Variants in LAMC1 observed in about 807,000 individuals in gnomAD.
The protein encoded by LAMC1 is laminin subunit gamma-1.
In LAMC1, 38 loss-of-function variants were observed where a neutral mutation model predicts 173.6. The observed-to-expected ratio is 0.22, with a 90% confidence interval of 0.17 to 0.29. The LOEUF is 0.29. Among genes scored for constraint, LAMC1 ranks in the 10% least tolerant of loss-of-function variants. The pLI is 1.00. For missense variants in LAMC1, 1,824 were observed against 2,051.8 expected, an observed-to-expected ratio of 0.89 and a Z score of 2.14; for synonymous variants, 746 against 749.1, an observed-to-expected ratio of 1.00 and a Z score of 0.07.
intron 20 of LAMC1, 47 bp downstream of exon 20, chr1:183,131,425 TG>T (rs749994645): frequency 2.1e-6 from 2 of 974,298 alleles, no homozygotes; most frequent in Non-Finnish European, 3.0e-6. Context: ...GCTTCTGTTA[TG>T]GGGTGTGTGT....
At chr1:183,133,105 T>G (rs899674838) in intron 21 of LAMC1, among the ~76,000 whole-genome samples, 2 of 152,108 alleles carry the variant, frequency 1.3e-5, no homozygotes, top group African/African-American at 4.8e-5. Flanking sequence ...GAGACGGGGT[T>G]TCACTATGTT....
At chr1:183,060,815 A>G (rs571000534) in intron 1 of LAMC1, among the ~76,000 whole-genome samples, 1 of 152,344 alleles carries the variant, frequency 6.6e-6, no homozygotes, top group Non-Finnish European at 1.5e-5. Flanking sequence ...CAAAATATGG[A>G]TGCAAAATCA....
In LAMC1 at chr1:183,130,435, T is replaced by G. The variant is rs1453627810; in HGVS notation, c.3372T>G (p.Ile1124Met). 12 of 1,614,030 alleles carry G rather than the reference T, an allele frequency of 7.4e-6. No homozygotes were observed. Among genetic ancestry groups the G allele is most frequent in the Non-Finnish European group, 2.5e-6 (3 of 1,180,000 alleles). Residue 1124 changes from isoleucine to methionine, a missense_variant, in exon 19 of 28, where the codon ATT becomes ATG. Coordinates refer to ENST00000258341, the MANE Select transcript of LAMC1 (RefSeq NM_002293.4). ...ISRLQNIRNT[I>M]EETGNLAEQA... is the part of the protein sequence containing the mutation. Reference sequence around the variant, plus strand: ...GTTTACAGAATATCCGGAATACCATTGAAGAGACTGGAAACTTGGCTGAAC... The same window carrying G: ...GTTTACAGAATATCCGGAATACCATGGAAGAGACTGGAAACTTGGCTGAAC...
At chr1:183,108,608 G>A (rs769698457) in intron 3 of LAMC1, among the ~76,000 whole-genome samples, 6 of 152,170 alleles carry the variant, frequency 3.9e-5, no homozygotes, top group Non-Finnish European at 7.4e-5. Flanking sequence ...AGATCTTCTT[G>A]TTGTTCTGGA....
At chr1:183,031,701 G>C (rs899256200) in intron 1 of LAMC1, among the ~76,000 whole-genome samples, 1 of 152,168 alleles carries the variant, frequency 6.6e-6, no homozygotes, top group Non-Finnish European at 1.5e-5. Context: ...GTTTAGAGCA[G>C]AGCTGTTTGT....
chr1:183,078,480 G>C (rs1655176956), intron 1 of LAMC1, among the ~76,000 whole-genome samples: 1 of 151,860 alleles, frequency 6.6e-6, no homozygotes, highest in African/African-American at 2.4e-5. Flanking sequence ...TACTCAGGAG[G>C]CTGAGGTAGG....
In LAMC1 at chr1:183,052,038, C is replaced by G. The variant is rs142036002; in HGVS notation, c.418+27904C>G. 1.8e-4 allele frequency among the ~76,000 whole-genome samples: 28 copies of G among 152,288 alleles called. 1 individual carries two copies. The East Asian group carries it at 4.1e-3, about 22-fold the overall frequency. ...AAATCATTCCTTTCATTGGTTTCTG[C>G]TTGTTCATCTGATAAAAAAATCATT... On this transcript the variant is annotated intron_variant, in intron 1 of 27. Coordinates refer to ENST00000258341, the MANE Select transcript of LAMC1 (RefSeq NM_002293.4).
At chr1:183,103,285 T>C in intron 1 of LAMC1, 43 bp from the exon 2 acceptor site, 1 of 1,567,346 alleles carries the variant, frequency 6.4e-7, no homozygotes, top group Non-Finnish European at 8.7e-7. Flanking sequence ...ATTTGTTTGC[T>C]TCATACGTAT....
At chr1:183,053,420 T>TGTG (rs1553253647) in intron 1 of LAMC1, among the ~76,000 whole-genome samples, 8 of 120,480 alleles carry the variant, frequency 6.6e-5, no homozygotes, top group East Asian at 2.2e-4. Flanking sequence ...TTTGTGTGTG[T>TGTG]TTTTTTTTTT....
chr1:183,079,232 GTTTTTTTTTTTTTTTTTTTTTTTTTTTTT>G (rs796732672), intron 1 of LAMC1, among the ~76,000 whole-genome samples: 2 of 62,840 alleles, frequency 3.2e-5, no homozygotes, highest in South Asian at 5.9e-4. Context: ...CTCTAATCTG[GTTTTTTTTTTTTTTTTTTTTTTTTTTTTT>G]TTTTTTTTTT....
intron 1 of LAMC1, among the ~76,000 whole-genome samples, chr1:183,052,998 A>T (rs907442215): frequency 8.5e-5 from 13 of 152,188 alleles, no homozygotes; most frequent in Non-Finnish European, 1.3e-4. Flanking sequence ...GAGGGAAGAG[A>T]TGTAAACAAC....
chr1:183,053,893 TAGGATTAC>T (rs1276844729), intron 1 of LAMC1, among the ~76,000 whole-genome samples: 1 of 152,204 alleles, frequency 6.6e-6, no homozygotes, highest in Non-Finnish European at 1.5e-5. Flanking sequence ...CCCAAAGTGC[TAGGATTAC>T]AGGTGTGAGC....
At chr1:183,084,210 C>T (rs1427933207) in intron 1 of LAMC1, among the ~76,000 whole-genome samples, 4 of 152,064 alleles carry the variant, frequency 2.6e-5, no homozygotes, top group Non-Finnish European at 4.4e-5. Flanking sequence ...GGCGCAGTGG[C>T]GGGCCGCCCG....
At chr1:183,031,320 T>C (rs2102007081) in intron 1 of LAMC1, among the ~76,000 whole-genome samples, 1 of 152,306 alleles carries the variant, frequency 6.6e-6, no homozygotes, top group Non-Finnish European at 1.5e-5. Flanking sequence ...TTCTTTTTTT[T>C]TGGAGACGAG....
intron 1 of LAMC1, among the ~76,000 whole-genome samples, chr1:183,099,162 C>G (rs1005129377): frequency 2.0e-5 from 3 of 152,010 alleles, no homozygotes; most frequent in African/African-American, 4.8e-5. Context: ...GATCTCGGCT[C>G]ACTGCAACCT....
intron 23 of LAMC1, 44 bp from the exon 24 acceptor site, chr1:183,134,997 GA>G: frequency 2.7e-6 from 4 of 1,499,166 alleles, no homozygotes; most frequent in Non-Finnish European, 3.7e-6. Flanking sequence ...AGACAGAAGG[GA>G]TTTGCTTTGA....
At chr1:183,098,625 A>G (rs1377726921) in intron 1 of LAMC1, among the ~76,000 whole-genome samples, 2 of 152,208 alleles carry the variant, frequency 1.3e-5, no homozygotes, top group African/African-American at 4.8e-5. Context: ...TAAAGTTTCT[A>G]CACTCTGTTC....
At chr1:183,094,809 T>A (rs953267450) in intron 1 of LAMC1, among the ~76,000 whole-genome samples, 1 of 152,200 alleles carries the variant, frequency 6.6e-6, no homozygotes, top group African/African-American at 2.4e-5. Context: ...AACTAAAGAA[T>A]AAAAGGCACT....
Position 183,043,069 on chromosome 1 carries a change from A to G in LAMC1, c.418+18935A>G, listed in dbSNP as rs1654181243. Among the ~76,000 whole-genome samples, 2 of 152,248 alleles carry G rather than the reference A, an allele frequency of 1.3e-5. 1 individual carries two copies. Among genetic ancestry groups the G allele is most frequent in the South Asian group, 4.2e-4 (2 of 4,816 alleles). On this transcript the variant is annotated intron_variant, in intron 1 of 27. Coordinates refer to ENST00000258341, the MANE Select transcript of LAMC1 (RefSeq NM_002293.4). ...TGAACATATACAGTTTTGTTGTGGAATCTTCTTAAATGTATATTTATCTTT... is the reference window on the plus strand; with the variant it reads ...TGAACATATACAGTTTTGTTGTGGAGTCTTCTTAAATGTATATTTATCTTT...
Sources: gnomAD v4.1 joint callset for allele counts (sites outside exome capture counted in the v4.1 genomes callset) on GRCh38, gnomAD v4.1.1 for gene constraint, MANE v1.5 for transcripts, NCBI Gene and HGNC (gene_info 2026-07-23, HGNC 2026-07-21) for gene names.